The following SORCS2 variants were observed in gnomAD, a reference collection of about 807,000 sequenced individuals.
The protein encoded by SORCS2 is VPS10 domain-containing receptor SorCS2.
Under a neutral mutation model 141.6 loss-of-function variants are expected in SORCS2, and 100 were observed. The ratio of observed to expected loss-of-function variants is 0.71; its 90% CI spans 0.60 to 0.83. The LOEUF (loss-of-function observed/expected upper bound fraction) is 0.83. Ranked by LOEUF, SORCS2 falls within the 40% of genes least tolerant of loss-of-function variation. The pLI, the probability that SORCS2 is intolerant of heterozygous loss-of-function variation, is 0.00. For synonymous variants in SORCS2, 789 were observed against 676.9 expected (o/e 1.17, Z -2.57); for missense variants, 1,646 against 1,560.2 (o/e 1.05, Z -0.93).
At chr4:7,443,212 G>T (rs115190004) in intron 2 of SORCS2, among the ~76,000 whole-genome samples, 1 of 152,148 alleles carries the variant, frequency 6.6e-6, no homozygotes, top group African/African-American at 2.4e-5. Context: ...GAGGAAGGGG[G>T]CACAGTTCCA....
chr4:7,323,394 G>T (rs978757545), intron 1 of SORCS2, among the ~76,000 whole-genome samples: 5 of 152,296 alleles, frequency 3.3e-5, no homozygotes, highest in East Asian at 3.9e-4. Context: ...CAGCCCACGG[G>T]CCTCCTTAGT....
At chr4:7,638,725 T>C (rs545121632) in intron 4 of SORCS2, among the ~76,000 whole-genome samples, 10 of 152,236 alleles carry the variant, frequency 6.6e-5, no homozygotes, top group African/African-American at 1.2e-4. Flanking sequence ...GAGGTGGTGG[T>C]GGGCAGTGCA....
intron 2 of SORCS2, among the ~76,000 whole-genome samples, chr4:7,487,472 GGGT>G (rs1399063184): frequency 6.6e-6 from 1 of 152,220 alleles, no homozygotes; most frequent in African/African-American, 2.4e-5. Context: ...ATGGACACCA[GGGT>G]GGTGGCTTGT....
intron 3 of SORCS2, among the ~76,000 whole-genome samples, chr4:7,606,943 G>C (rs767978362): frequency 1.5e-4 from 23 of 152,138 alleles, no homozygotes; most frequent in Non-Finnish European, 2.9e-4. Context: ...TAGATAAACA[G>C]AGTGGGGACA....
In SORCS2 at chr4:7,724,659, TATGGTGATAATGGTGGTA is replaced by T. The variant is rs1342315295; in HGVS notation, c.2612-494_2612-477del. On this transcript the variant is annotated intron_variant, in intron 19 of 26. Transcript: ENST00000507866. Reference sequence around the variant, plus strand: ...TGATGGTGGAGGTGATGGTGGTAGTTATGGTGATAATGGTGGTAGTGGTGATGGTGGTGGTGTTGGTGA... The same window carrying T: ...TGATGGTGGAGGTGATGGTGGTAGTTGTGGTGATGGTGGTGGTGTTGGTGA... Among the ~76,000 whole-genome samples the T allele has an allele frequency of 1.8e-5, 2 of 108,882 alleles. 1 individual carries two copies. Among genetic ancestry groups the T allele is most frequent in the Non-Finnish European group, 4.0e-5 (2 of 49,778 alleles). 71.4% of individuals were successfully genotyped at this position (108,882 alleles called of 152,430 possible).
At chr4:7,244,344 G>A (rs1437356278) in intron 1 of SORCS2, among the ~76,000 whole-genome samples, 1 of 152,216 alleles carries the variant, frequency 6.6e-6, no homozygotes, top group Admixed American at 6.5e-5. Context: ...AAGATTCATG[G>A]GTAAGGGCTT....
At chr4:7,613,878 C>T (rs534622234) in intron 3 of SORCS2, among the ~76,000 whole-genome samples, 1 of 152,122 alleles carries the variant, frequency 6.6e-6, no homozygotes, top group South Asian at 2.1e-4. Context: ...ATTCACCATC[C>T]ATTCATTCAC....
rs73210429 is a variant in SORCS2, at chr4:7,361,352, G to C, written c.481-34936G>C. Reference sequence around the variant, plus strand: ...TCACCCCTTGACAAGAAGGAGAGGGGCAAGGCAGCGAGATCTGATTTGGTG... The same window carrying C: ...TCACCCCTTGACAAGAAGGAGAGGGCCAAGGCAGCGAGATCTGATTTGGTG... On this transcript the variant is annotated intron_variant, in intron 1 of 26. Coordinates refer to ENST00000507866, the MANE Select transcript of SORCS2 (RefSeq NM_020777.3). Among the ~76,000 whole-genome samples the C allele has an allele frequency of 6.4e-3, 977 of 152,326 alleles. 4 individuals carry two copies. Among genetic ancestry groups the C allele is most frequent in the Non-Finnish European group, 8.3e-3 (566 of 68,034 alleles).
chr4:7,552,383 C>G (rs570415399), intron 3 of SORCS2, among the ~76,000 whole-genome samples: 114 of 152,092 alleles, frequency 7.5e-4, no homozygotes, highest in Non-Finnish European at 1.5e-3. Flanking sequence ...GTGGCTTGGC[C>G]CTAAAATCTG....
At chr4:7,465,762 A>C (rs1163507586) in intron 2 of SORCS2, among the ~76,000 whole-genome samples, 2 of 152,270 alleles carry the variant, frequency 1.3e-5, no homozygotes, top group Admixed American at 6.5e-5. Context: ...TGTAATCTCC[A>C]TCAAGATGGT....
At chr4:7,517,432 C>A (rs1263507373) in intron 2 of SORCS2, among the ~76,000 whole-genome samples, 1 of 152,146 alleles carries the variant, frequency 6.6e-6, no homozygotes, top group Non-Finnish European at 1.5e-5. Context: ...ATGGCTCTGA[C>A]CTCATCTACT....
intron 1 of SORCS2, among the ~76,000 whole-genome samples, chr4:7,276,457 C>A (rs1410054916): frequency 3.3e-5 from 5 of 152,058 alleles, no homozygotes; most frequent in African/African-American, 1.2e-4. Flanking sequence ...TTCTGTTCAG[C>A]CCCCAAACCC....
At chr4:7,288,069 C>T (rs1716347345) in intron 1 of SORCS2, among the ~76,000 whole-genome samples, 1 of 152,154 alleles carries the variant, frequency 6.6e-6, no homozygotes, top group South Asian at 2.1e-4. Context: ...ATGCGGCCTC[C>T]TCCGGTGATT....
In SORCS2 at chr4:7,201,615, T is replaced by C. The variant is rs924405545; in HGVS notation, c.480+8489T>C. 9.8e-5 allele frequency among the ~76,000 whole-genome samples: 15 copies of C among 152,348 alleles called. No individual in the cohort carries two copies. Among genetic ancestry groups the C allele is most frequent in the South Asian group, 8.3e-4 (4 of 4,826 alleles). ...CAGCTGGGACGCTGCCGAGAACCCC[T>C]GTGCCTTTTCCGGTGCAGGAAGAAA... On this transcript the variant is annotated intron_variant, in intron 1 of 26. Coordinates refer to ENST00000507866, the MANE Select transcript of SORCS2 (RefSeq NM_020777.3). This position sits in a 1 kb window ranked among gnomAD's most constrained non-coding sequence, Gnocchi z 4.4.
chr4:7,304,090 A>G (rs2336109), intron 1 of SORCS2, among the ~76,000 whole-genome samples: 34,819 of 152,166 alleles, frequency 0.23, 4,686 homozygotes, highest in Admixed American at 0.36. Context: ...TTTAACCAAT[A>G]CTTGTTGACG....
chr4:7,307,920 A>T (rs1177279510), intron 1 of SORCS2, among the ~76,000 whole-genome samples: 2 of 151,932 alleles, frequency 1.3e-5, no homozygotes, highest in African/African-American at 2.4e-5. Flanking sequence ...GTGTGTGTGC[A>T]TGAGTGTGCA....
At chr4:7,434,628 C>T (rs2109239149) in intron 2 of SORCS2, 1 of 1,613,362 alleles carries the variant, frequency 6.2e-7, no homozygotes, top group South Asian at 1.1e-5. Context: ...GGATGTCAGA[C>T]TCCGTGGCGT....
intron 18 of SORCS2, among the ~76,000 whole-genome samples, chr4:7,719,947 C>T (rs926136725): frequency 3.3e-5 from 5 of 152,142 alleles, no homozygotes; most frequent in Non-Finnish European, 7.3e-5. Flanking sequence ...CCACTGTGCA[C>T]CTACTGTCGG....
At chr4:7,722,905 G>C (rs1726689850) in intron 18 of SORCS2, among the ~76,000 whole-genome samples, 3 of 152,188 alleles carry the variant, frequency 2.0e-5, no homozygotes, top group African/African-American at 4.8e-5. Context: ...ATCATCACTA[G>C]GAAACGGTTT....
Sources: allele counts gnomAD v4.1 joint callset (sites outside exome capture counted in the v4.1 genomes callset), GRCh38; gene constraint gnomAD v4.1.1; non-coding constraint Gnocchi (gnomAD v3.1); transcripts MANE v1.5; gene names NCBI Gene and HGNC (gene_info 2026-07-23, HGNC 2026-07-21).